Variants in DGKD observed in about 807,000 individuals in gnomAD.
DGKD encodes diacylglycerol kinase delta, also known as DAG kinase delta.
Under a neutral mutation model 154.4 loss-of-function variants are expected in DGKD, and 68 were observed. That is an observed-to-expected ratio of 0.44 (90% confidence interval 0.36 to 0.54). DGKD has a LOEUF of 0.54. Ranked by LOEUF, DGKD falls within the 20% of genes least tolerant of loss-of-function variation. DGKD has a pLI of 0.00. For missense variants in DGKD, 1,343 were observed against 1,593.6 expected (o/e 0.84, Z 2.68); for synonymous variants, 693 against 638.0 (o/e 1.09, Z -1.30).
chr2:233,432,708 AG>A (rs2062571079), intron 3 of DGKD, among the ~76,000 whole-genome samples: 1 of 152,138 alleles, frequency 6.6e-6, no homozygotes, highest in South Asian at 2.1e-4. Context: ...TCCTCTGACA[AG>A]GGATTATAAC....
intron 3 of DGKD, among the ~76,000 whole-genome samples, chr2:233,433,864 G>C (rs182847845): frequency 1.3e-5 from 2 of 152,212 alleles, no homozygotes; most frequent in African/African-American, 2.4e-5. Context: ...TTATTACCAG[G>C]TCACAGCTTT....
At chr2:233,369,754 C>G (rs1323460766) in intron 1 of DGKD, among the ~76,000 whole-genome samples, 1 of 152,190 alleles carries the variant, frequency 6.6e-6, no homozygotes, top group African/African-American at 2.4e-5. Context: ...TGGGCGGGCT[C>G]TCCCCTCACC....
At chr2:233,401,826 A>C (rs1033531855) in intron 3 of DGKD, among the ~76,000 whole-genome samples, 16 of 149,410 alleles carry the variant, frequency 1.1e-4, no homozygotes, top group African/African-American at 3.2e-4. Context: ...AGGCTGAGGC[A>C]CAAGAATCAC....
chr2:233,410,995 A>G (rs1370657595), intron 3 of DGKD, among the ~76,000 whole-genome samples: 1 of 151,642 alleles, frequency 6.6e-6, no homozygotes, highest in Non-Finnish European at 1.5e-5. Flanking sequence ...TTTTTTTTTT[A>G]ATGTCTGGCT....
At chr2:233,430,632 C>A (rs1031143893) in intron 3 of DGKD, among the ~76,000 whole-genome samples, 14 of 152,112 alleles carry the variant, frequency 9.2e-5, no homozygotes, top group African/African-American at 2.9e-4. Flanking sequence ...TCTAAATCTA[C>A]CTTGTTTGTA....
rs1315250786 is a variant in DGKD at position 233,437,561 on chromosome 2, G to T, written c.922+82G>T. 3 of 1,385,568 alleles carry T rather than the reference G, an allele frequency of 2.2e-6. No homozygotes were observed. The Admixed American group carries it at 5.6e-5, about 26-fold the overall frequency. The allele number at this position is 1,385,568 out of a possible 1,614,324, so 85.8% of individuals were successfully genotyped here. A position where few individuals can be genotyped will look rare whatever the true frequency, so the allele number is the denominator to read the frequency against. The stretch of plus-strand genomic sequence containing the variant: ...GCACTTTCTCTTCTCCAGCTCTGGA[G>T]TTGGTTATCTTGGTGAGATGTCAGC... On this transcript the variant is annotated intron_variant, in intron 8 of 29. Transcript: ENST00000264057.
chr2:233,363,826 G>C (rs748830011), intron 1 of DGKD, among the ~76,000 whole-genome samples: 3 of 152,230 alleles, frequency 2.0e-5, no homozygotes, highest in Non-Finnish European at 4.4e-5. Context: ...TGCTCTATGG[G>C]TTTGTAGTCC....
At chr2:233,411,004 C>T (rs913214996) in intron 3 of DGKD, among the ~76,000 whole-genome samples, 1 of 151,788 alleles carries the variant, frequency 6.6e-6, no homozygotes, top group African/African-American at 2.4e-5. Flanking sequence ...TAATGTCTGG[C>T]TTCTTTCACT....
At chr2:233,439,311 G>A (rs1198109525) in intron 9 of DGKD, among the ~76,000 whole-genome samples, 2 of 152,136 alleles carry the variant, frequency 1.3e-5, no homozygotes, top group Non-Finnish European at 2.9e-5. Context: ...TGTGAACCTC[G>A]GCCAGCTCCC....
intron 3 of DGKD, among the ~76,000 whole-genome samples, chr2:233,402,653 G>A (rs923254339): frequency 1.3e-5 from 2 of 152,208 alleles, no homozygotes; most frequent in Non-Finnish European, 2.9e-5. Flanking sequence ...ATGTCCGGCC[G>A]GCAGCTTGGG....
At chr2:233,419,268 G>A (rs1020604027) in intron 3 of DGKD, 6 of 985,554 alleles carry the variant, frequency 6.1e-6, no homozygotes, top group African/African-American at 1.7e-5. Context: ...TGATTGCACG[G>A]TACTGATTTG....
chr2:233,390,558 A>G (rs1703531902), intron 3 of DGKD, 75 bp downstream of exon 3: 3 of 1,095,246 alleles, frequency 2.7e-6, no homozygotes, highest in Non-Finnish European at 4.1e-6. Flanking sequence ...ACATGTGTCC[A>G]AGCAGTTCAA....
At chr2:233,366,867 GAGAA>G (rs1053742734) in intron 1 of DGKD, among the ~76,000 whole-genome samples, 1 of 152,164 alleles carries the variant, frequency 6.6e-6, no homozygotes, top group Non-Finnish European at 1.5e-5. Flanking sequence ...GGCAGGGGAG[GAGAA>G]AGAAAGGGGG....
intron 3 of DGKD, among the ~76,000 whole-genome samples, chr2:233,411,019 A>G (rs971460900): frequency 1.3e-5 from 2 of 152,066 alleles, no homozygotes; most frequent in Non-Finnish European, 2.9e-5. Flanking sequence ...TTCACTCAGC[A>G]TAATGGTTTT....
rs547140908 is a variant in DGKD, at chr2:233,449,632, C to G, written c.1888+256C>G. Among the ~76,000 whole-genome samples, 2 of 152,152 alleles carry G rather than the reference C, an allele frequency of 1.3e-5. No individual in the cohort carries two copies. The highest frequency in any genetic ancestry group is 4.8e-5 in the African/African-American group (2 of 41,446). On this transcript the variant is annotated intron_variant, in intron 15 of 29. Coordinates refer to ENST00000264057, the MANE Select transcript of DGKD (RefSeq NM_152879.3). This position sits in a 1 kb window ranked among gnomAD's most constrained non-coding sequence, Gnocchi z 5.3. ...CCCTCATTGACTTCACTATAAGCGTCTCACTCCCGTGAGAGCCTTGAGGTC... is the reference window on the plus strand; with the variant it reads ...CCCTCATTGACTTCACTATAAGCGTGTCACTCCCGTGAGAGCCTTGAGGTC...
rs1244124395 is a variant in DGKD, at chr2:233,472,027, A to C, written c.*2567A>C. On this transcript the variant is annotated 3_prime_UTR_variant, in exon 30 of 30. Coordinates refer to ENST00000264057, the MANE Select transcript of DGKD (RefSeq NM_152879.3). ...AAACGCCTCTTGTATTGTCATGTAC[A>C]TAGTCCATACCTGAGTGCTGTACAT... 1 of 152,392 alleles carries C rather than the reference A, an allele frequency of 6.6e-6. No homozygotes were observed. The highest frequency in any genetic ancestry group is 1.5e-5 in the Non-Finnish European group (1 of 68,048). The allele number at this position is 152,392 out of a possible 1,614,324, so 9.4% of individuals were successfully genotyped here.
At chr2:233,357,150 G>A (rs564774835) in intron 1 of DGKD, among the ~76,000 whole-genome samples, 1 of 152,282 alleles carries the variant, frequency 6.6e-6, no homozygotes, top group African/African-American at 2.4e-5. Flanking sequence ...GGGGTCACAA[G>A]GGGTCCATCT....
chr2:233,436,534 C>G, intron 7 of DGKD, 93 bp downstream of exon 7: 1 of 1,488,166 alleles, frequency 6.7e-7, no homozygotes, highest in Non-Finnish European at 8.9e-7. Flanking sequence ...CTGCTGGATC[C>G]TGGTAAATTA....
chr2:233,390,848 C>T (rs970318142), intron 3 of DGKD, among the ~76,000 whole-genome samples: 1 of 152,208 alleles, frequency 6.6e-6, no homozygotes, highest in African/African-American at 2.4e-5. Flanking sequence ...ATTCTCCTGC[C>T]TCAGCCTCCC....
Sources: allele counts gnomAD v4.1 joint callset (sites outside exome capture counted in the v4.1 genomes callset), GRCh38; gene constraint gnomAD v4.1.1; non-coding constraint Gnocchi (gnomAD v3.1); transcripts MANE v1.5; gene names NCBI Gene and HGNC (gene_info 2026-07-23, HGNC 2026-07-21).